ITGA7: variants seen among roughly 807,000 people sequenced by gnomAD.
ITGA7 encodes the protein integrin alpha-7.
In ITGA7, 84 loss-of-function variants were observed where a neutral mutation model predicts 131.6. The observed-to-expected ratio is 0.64, with a 90% confidence interval of 0.54 to 0.77. ITGA7 has a LOEUF of 0.77. ITGA7 is among the 30% of genes least tolerant of loss of function. The pLI is 0.00. For missense variants in ITGA7, 1,399 were observed against 1,482.9 expected (o/e 0.94, Z 0.93); for synonymous variants, 548 against 600.7 (o/e 0.91, Z 1.28).
Position 55,694,016 on chromosome 12 carries a change from C to T in ITGA7, c.2535+5G>A, listed in dbSNP as rs754770500. 6.2e-7 allele frequency: 1 copy of T among 1,611,356 alleles called. No homozygotes were observed. The highest frequency in any genetic ancestry group is 8.5e-7 in the Non-Finnish European group (1 of 1,178,100). ...CCATGGAGGGGCCTCATCCCTGACACTTACCGTGACCTCATACTTGACCTT... is the reference window on the plus strand; with the variant it reads ...CCATGGAGGGGCCTCATCCCTGACATTTACCGTGACCTCATACTTGACCTT... On this transcript the variant is annotated splice_donor_5th_base_variant and intron_variant, in intron 19 of 24. Coordinates refer to ENST00000257879, the MANE Select transcript of ITGA7 (RefSeq NM_002206.3). The surrounding 1 kb of genome is among the most constrained non-coding windows in gnomAD (Gnocchi z 5.3).
intron 1 of ITGA7, among the ~76,000 whole-genome samples, chr12:55,707,154 G>A (rs1397577866): frequency 2.0e-5 from 3 of 152,258 alleles, no homozygotes; most frequent in African/African-American, 7.2e-5. Flanking sequence ...GCCCTTGGAA[G>A]AAGCAGGGGA....
At position 55,698,762 on chromosome 12, in the gene ITGA7, G is replaced by C. The variant is rs1316526207; in HGVS notation, c.946C>G (p.Leu316Val). The C allele has an allele frequency of 6.2e-7, 1 of 1,614,160 alleles. No homozygotes were observed. The highest frequency in any genetic ancestry group is 2.2e-5 in the East Asian group (1 of 44,868). ...VPEVMLSGER[L>V]TSGFGYSLAV... Reference sequence around the variant, plus strand: ...AGTGAGTAGCCAAAGCCGGAGGTCAGGCGCTCCCCAGACAGCATAACCTCG... The same window carrying C: ...AGTGAGTAGCCAAAGCCGGAGGTCACGCGCTCCCCAGACAGCATAACCTCG... Residue 316 changes from leucine (L) to valine (V), a missense_variant, in exon 6 of 25, where the codon CTG (leucine) becomes GTG (valine). By Grantham distance (32) the Leu-to-Val change is conservative. Transcript: ENST00000257879.
intron 12 of ITGA7, 44 bp from the exon 13 acceptor site, chr12:55,696,476 C>G (rs1293370277): frequency 6.4e-7 from 1 of 1,571,636 alleles, no homozygotes; most frequent in Admixed American, 1.8e-5. Flanking sequence ...AATCCCCAGG[C>G]CTCAGCCCTG....
rs1369860435 is a variant in ITGA7, at chr12:55,694,750, C to G, written c.2196+28G>C. 2 of 1,614,004 alleles carry G rather than the reference C, an allele frequency of 1.2e-6. No homozygotes were observed. Among genetic ancestry groups the G allele is most frequent in the Admixed American group, 1.7e-5 (1 of 60,008 alleles). On this transcript the variant is annotated intron_variant, in intron 15 of 24. Coordinates refer to ENST00000257879, the MANE Select transcript of ITGA7 (RefSeq NM_002206.3). This position sits in a 1 kb window ranked among gnomAD's most constrained non-coding sequence, Gnocchi z 5.3. ...TGGGTTACTGGAGCCCCTCAAGACC[C>G]CACCCCATCCTGCCCCCAGGTCCTC...
intron 24 of ITGA7, 77 bp downstream of exon 24, chr12:55,687,894 G>A (rs1271268700): frequency 2.5e-6 from 4 of 1,598,582 alleles, no homozygotes; most frequent in Non-Finnish European, 3.4e-6. Flanking sequence ...GTGTGGGTGG[G>A]TGACAGAACC....
At position 55,698,876 on chromosome 12, in the gene ITGA7, C is replaced by T. The variant is rs756511433; in HGVS notation, c.832G>A (p.Glu278Lys). ...GGGGCTCCAGCCACAAAGCTCAGCT[C>T]TTCTGCACGCACCAGACCTTTCCCC... The part of the protein sequence containing the change: ...DSGKGLVRAE[E>K]LSFVAGAPRA... The change falls in exon 6 of 25, where the codon GAG (glutamate) becomes AAG (lysine). Residue 278 changes from glutamate (E) to lysine (K), a missense_variant. Physicochemically the swap from Glu to Lys is moderately conservative, Grantham distance 56. Transcript: ENST00000257879. 6 of 1,613,756 alleles carry T rather than the reference C, an allele frequency of 3.7e-6. No homozygotes were observed. The highest frequency in any genetic ancestry group is 5.1e-6 in the Non-Finnish European group (6 of 1,179,920).
Position 55,707,820 on chromosome 12 carries a change from GCCCT to G in ITGA7, c.-142_-139del. The G allele has an allele frequency of 6.9e-7, 1 of 1,455,772 alleles. No homozygotes were observed. The allele number at this position is 1,455,772 out of a possible 1,614,324, so 90.2% of individuals were successfully genotyped here. A position where few individuals can be genotyped will look rare whatever the true frequency, so the allele number is the denominator to read the frequency against. On this transcript the variant is annotated 5_prime_UTR_variant, in exon 1 of 25. Coordinates refer to ENST00000257879, the MANE Select transcript of ITGA7 (RefSeq NM_002206.3). Reference sequence around the variant, plus strand: ...CGTCTCCCAGACGTTCGCCCCGCCAGCCCTCCCGCCCGCCCGCCGCTCCGCCACC... The same window carrying G: ...CGTCTCCCAGACGTTCGCCCCGCCAGCCCGCCCGCCCGCCGCTCCGCCACC...
At position 55,703,311 on chromosome 12, in the gene ITGA7, G is replaced by A. The variant is rs574790150; in HGVS notation, c.207-133C>T. On this transcript the variant is annotated intron_variant, in intron 1 of 24. Coordinates refer to ENST00000257879, the MANE Select transcript of ITGA7 (RefSeq NM_002206.3). ...CAAGGACTAAAGAGAAGGGGCAAAT[G>A]TCAGTTTTCTCAAACCCTGGCAAGG... is the stretch of plus-strand genomic sequence containing the variant. The A allele has an allele frequency of 3.9e-6, 4 of 1,015,736 alleles. No individual in the cohort carries two copies. In the African/African-American group the frequency reaches 6.5e-5, roughly 16 times the overall value. The allele number at this position is 1,015,736 out of a possible 1,614,324, so 62.9% of individuals were successfully genotyped here. A position where few individuals can be genotyped will look rare whatever the true frequency, so the allele number is the denominator to read the frequency against.
At chr12:55,706,696 TC>T (rs1363634850) in intron 1 of ITGA7, among the ~76,000 whole-genome samples, 1 of 152,136 alleles carries the variant, frequency 6.6e-6, no homozygotes, top group Non-Finnish European at 1.5e-5. Context: ...AGAATTGTCC[TC>T]CACCCCTTAC....
chr12:55,701,603 C>A (rs1874042324), intron 3 of ITGA7, among the ~76,000 whole-genome samples: 1 of 149,214 alleles, frequency 6.7e-6, no homozygotes, highest in African/African-American at 2.5e-5. Context: ...TTTTTTGAAG[C>A]AAGGTCTCAC....
At chr12:55,714,147 C>A (rs1312161274), upstream of ITGA7, among the ~76,000 whole-genome samples, 1 of 152,100 alleles carries the variant, frequency 6.6e-6, no homozygotes, top group Non-Finnish European at 1.5e-5. Context: ...GAGGCCGAGG[C>A]GGGCAGATTA....
At chr12:55,706,087 G>C (rs544239863) in intron 1 of ITGA7, among the ~76,000 whole-genome samples, 53 of 152,328 alleles carry the variant, frequency 3.5e-4, no homozygotes, top group Admixed American at 9.8e-4. Context: ...CCTTCAGAGA[G>C]GAGGGGGAAA....
chr12:55,697,603 T>C, intron 9 of ITGA7, 57 bp from the exon 10 acceptor site: 1 of 1,610,524 alleles, frequency 6.2e-7, no homozygotes, highest in Non-Finnish European at 8.5e-7. Context: ...TGGGAAACAC[T>C]CTTCAGCATT....
chr12:55,698,074 G>A (rs1467019508), intron 7 of ITGA7, 48 bp from the exon 8 acceptor site: 1 of 1,565,676 alleles, frequency 6.4e-7, no homozygotes, highest in Non-Finnish European at 8.8e-7. Flanking sequence ...GGGCCTTGCA[G>A]ACAAGATCCA....
rs754139679 is a variant in ITGA7 at position 55,694,571 on chromosome 12, T to C, written c.2277+44A>G. Reference sequence around the variant, plus strand: ...TAGAGTCAGGGGTGGTCTACGGGCTTATGGAGAGGCTACTCACGTAGGGAT... The same window carrying C: ...TAGAGTCAGGGGTGGTCTACGGGCTCATGGAGAGGCTACTCACGTAGGGAT... On this transcript the variant is annotated intron_variant, in intron 16 of 24. Coordinates refer to ENST00000257879, the MANE Select transcript of ITGA7 (RefSeq NM_002206.3). This position sits in a 1 kb window ranked among gnomAD's most constrained non-coding sequence, Gnocchi z 5.3. 4 of 1,613,224 alleles carry C rather than the reference T, an allele frequency of 2.5e-6. No homozygotes were observed. In the Admixed American group the frequency reaches 5.0e-5, roughly 20 times the overall value.
At chr12:55,691,067 T>C (rs1383534552) in intron 21 of ITGA7, among the ~76,000 whole-genome samples, 1 of 151,744 alleles carries the variant, frequency 6.6e-6, no homozygotes, top group Non-Finnish European at 1.5e-5. Flanking sequence ...CATGTATACA[T>C]ATGTAACTAA....
chr12:55,712,944 A>G (rs141079215), upstream of ITGA7, among the ~76,000 whole-genome samples: 5 of 152,324 alleles, frequency 3.3e-5, no homozygotes, highest in East Asian at 9.7e-4. Context: ...AGTTGTGCCA[A>G]GAAGGGTGAG....
Position 55,698,461 on chromosome 12 carries a change from G to C in ITGA7, c.1114C>G (p.Arg372Gly), listed in dbSNP as rs752464052. The C allele has an allele frequency of 3.1e-6, 5 of 1,613,750 alleles. No homozygotes were observed. The highest frequency in any genetic ancestry group is 4.2e-6 in the Non-Finnish European group (5 of 1,179,778). Reference sequence around the variant, plus strand: ...ATGGAGTCAGGGGAGCCGCAGAGCCGGAGAGGGGAGATCCCAGCCCAGTGA... The same window carrying C: ...ATGGAGTCAGGGGAGCCGCAGAGCCCGAGAGGGGAGATCCCAGCCCAGTGA... ...GGHWAGISPL[R>G]LCGSPDSMFG... The change falls in exon 7 of 25, where the codon CGG (arginine) becomes GGG (glycine). Residue 372 changes from arginine to glycine, a missense_variant. Physicochemically the swap from Arg to Gly is moderately radical, Grantham distance 125. Coordinates refer to ENST00000257879, the MANE Select transcript of ITGA7 (RefSeq NM_002206.3).
At position 55,694,485 on chromosome 12, in the gene ITGA7, C is replaced by T; in HGVS notation, c.2315G>A (p.Ser772Asn). The T allele has an allele frequency of 6.2e-7, 1 of 1,614,214 alleles. No individual in the cohort carries two copies. The highest frequency in any genetic ancestry group is 8.5e-7 in the Non-Finnish European group (1 of 1,180,020). ...TACCTCCAGTTCCGTGGTCTCAATGCTGATCCCGGAGGTGCTAAGGATGAG... is the reference window on the plus strand; with the variant it reads ...TACCTCCAGTTCCGTGGTCTCAATGTTGATCCCGGAGGTGCTAAGGATGAG... The part of the protein sequence containing the change: ...FYLILSTSGI[S>N]IETTELEVEL... Residue 772 changes from serine (S) to asparagine (N), a missense_variant, in exon 17 of 25, where the codon AGC (serine) becomes AAC (asparagine). By Grantham distance (46) the Ser-to-Asn change is conservative. Transcript: ENST00000257879. This position sits in a 1 kb window ranked among gnomAD's most constrained non-coding sequence, Gnocchi z 5.3.
Sources: gnomAD v4.1 joint callset for allele counts (sites outside exome capture counted in the v4.1 genomes callset) on GRCh38, gnomAD v4.1.1 for gene constraint, Gnocchi (gnomAD v3.1) non-coding constraint, MANE v1.5 for transcripts, NCBI Gene and HGNC (gene_info 2026-07-23, HGNC 2026-07-21) for gene names.